Variants in ALX4 observed in about 807,000 individuals in gnomAD.
ALX4 encodes the protein ALX homeobox 4.
A neutral mutation model predicts 40.6 loss-of-function variants in ALX4; 22 were observed. That is an observed-to-expected ratio of 0.54 (90% CI 0.39 to 0.77). The LOEUF is 0.77. Among genes scored for constraint, ALX4 ranks in the 30% least tolerant of loss-of-function variants. The probability of loss-of-function intolerance (pLI) is 0.00; values close to 1 mark genes in which losing one functional copy is unlikely to be tolerated. For synonymous variants in ALX4, 266 were observed against 240.5 expected (o/e 1.11, Z -0.98); for missense variants, 556 against 564.8 (o/e 0.98, Z 0.16).
At chr11:44,297,006 T>C (rs1339355997) in intron 1 of ALX4, among the ~76,000 whole-genome samples, 3 of 59,136 alleles carry the variant, frequency 5.1e-5, no homozygotes, top group Non-Finnish European at 9.9e-5. Context: ...TGAAACTCTG[T>C]CTCAAAAAAA....
In ALX4 at chr11:44,275,663, G is replaced by C; in HGVS notation, c.467-5C>G. On this transcript the variant is annotated splice_polypyrimidine_tract_variant and splice_region_variant and intron_variant, in intron 1 of 3. Coordinates refer to ENST00000652299, the MANE Select transcript of ALX4 (RefSeq NM_021926.4). ...CACCCAGGGAGCTCTCTTTAGCTGA[G>C]GGAGGAGGAAACAAAGTCAGAAACC... The C allele has an allele frequency of 6.2e-7, 1 of 1,611,706 alleles. No individual in the cohort carries two copies. Among genetic ancestry groups the C allele is most frequent in the Non-Finnish European group, 8.5e-7 (1 of 1,178,498 alleles).
At position 44,264,394 on chromosome 11, in the gene ALX4, T is replaced by C; in HGVS notation, c.*460A>G. On this transcript the variant is annotated 3_prime_UTR_variant, in exon 4 of 4. Transcript: ENST00000652299. ...AGGAGGCTGGCTCTGCAGGGCAGCC[T>C]GTGCTTCAGACACACAGCCACCGGC... The C allele has an allele frequency of 5.8e-6, 1 of 171,272 alleles. No individual in the cohort carries two copies. 10.6% of individuals were successfully genotyped at this position (171,272 alleles called of 1,614,324 possible).
At chr11:44,297,009 CAAAAAAAAAAA>C (rs60856634) in intron 1 of ALX4, among the ~76,000 whole-genome samples, 1 of 86,884 alleles carries the variant, frequency 1.2e-5, no homozygotes, top group African/African-American at 4.1e-5. Flanking sequence ...AACTCTGTCT[CAAAAAAAAAAA>C]AAAAAAAAAA....
At chr11:44,293,180 CAGGGAGGGAGGG>C (rs1191152460) in intron 1 of ALX4, among the ~76,000 whole-genome samples, 4 of 103,374 alleles carry the variant, frequency 3.9e-5, no homozygotes, top group Non-Finnish European at 5.6e-5. Flanking sequence ...AGCAGGCAGG[CAGGGAGGGAGGG>C]AGGGAGGGAG....
intron 1 of ALX4, among the ~76,000 whole-genome samples, chr11:44,276,152 T>A (rs937417377): frequency 6.6e-6 from 1 of 152,184 alleles, no homozygotes; most frequent in Non-Finnish European, 1.5e-5. Flanking sequence ...GTGCCCCTCC[T>A]TTCCTGGCCT....
At chr11:44,298,040 G>A (rs980705779) in intron 1 of ALX4, among the ~76,000 whole-genome samples, 2 of 152,212 alleles carry the variant, frequency 1.3e-5, no homozygotes, top group Non-Finnish European at 2.9e-5. Flanking sequence ...TCTGAGGGCA[G>A]GAGCCAGTTC....
chr11:44,264,978 G>T lies in ALX4; in HGVS notation c.1112C>A (p.Ala371Asp), dbSNP rs778529834. The change falls in exon 4 of 4, where the codon GCC (alanine) becomes GAC (aspartate). Residue 371 changes from alanine (A) to aspartate (D), a missense_variant. By Grantham distance (126) the Ala-to-Asp change is moderately radical. Coordinates refer to ENST00000652299, the MANE Select transcript of ALX4 (RefSeq NM_021926.4). ...QTHMGSLFGA[A>D]SLSPGLNGYE... ...GCCATTGAGGCCTGGGCTGAGGCTG[G>T]CTGCTCCAAACAGGCTGCCCATGTG... The T allele has an allele frequency of 3.1e-6, 5 of 1,613,190 alleles. No homozygotes were observed. Among genetic ancestry groups the T allele is most frequent in the Non-Finnish European group, 3.4e-6 (4 of 1,179,954 alleles).
At chr11:44,291,946 G>A (rs1956372068) in intron 1 of ALX4, among the ~76,000 whole-genome samples, 1 of 152,162 alleles carries the variant, frequency 6.6e-6, no homozygotes, top group African/African-American at 2.4e-5. Context: ...AGCCTCCCGA[G>A]TAGCTGGGAT....
chr11:44,282,068 C>G (rs1022274874), intron 1 of ALX4, among the ~76,000 whole-genome samples: 2 of 152,108 alleles, frequency 1.3e-5, no homozygotes, highest in African/African-American at 4.8e-5. Context: ...ACCATGAGGA[C>G]TAAGTGTAAT....
At chr11:44,296,099 G>A (rs1228757636) in intron 1 of ALX4, among the ~76,000 whole-genome samples, 1 of 152,240 alleles carries the variant, frequency 6.6e-6, no homozygotes, top group Non-Finnish European at 1.5e-5. Context: ...CACATCAGAA[G>A]ATCATTCAGG....
intron 3 of ALX4, among the ~76,000 whole-genome samples, chr11:44,266,579 G>GA (rs1956215170): frequency 1.3e-5 from 2 of 152,202 alleles, no homozygotes; most frequent in African/African-American, 4.8e-5. Flanking sequence ...AGAAGTAAAG[G>GA]AGGCAGGGGC....
intron 1 of ALX4, among the ~76,000 whole-genome samples, chr11:44,290,345 C>T (rs1956362234): frequency 6.6e-6 from 1 of 152,256 alleles, no homozygotes; most frequent in Non-Finnish European, 1.5e-5. Context: ...CTGGGCTTGG[C>T]CCCTGGCTCT....
intron 1 of ALX4, among the ~76,000 whole-genome samples, chr11:44,299,362 T>TG: frequency 6.8e-6 from 1 of 146,284 alleles, no homozygotes; most frequent in East Asian, 2.0e-4. Flanking sequence ...TGGTTTTTTT[T>TG]TTTTTTTTTT....
chr11:44,263,527 CAG>C lies in ALX4; in HGVS notation c.*1325_*1326del, dbSNP rs1294558703. On this transcript the variant is annotated 3_prime_UTR_variant, in exon 4 of 4. Coordinates refer to ENST00000652299, the MANE Select transcript of ALX4 (RefSeq NM_021926.4). ...GCCCTTCCGCAGGCTGGAGAGAGGG[CAG>C]AGAGTCCTGGTCCCTGTGGAAGAAG... 6.6e-6 allele frequency: 1 copy of C among 152,346 alleles called. No individual in the cohort carries two copies. Among genetic ancestry groups the C allele is most frequent in the Non-Finnish European group, 1.5e-5 (1 of 68,176 alleles). The allele number at this position is 152,346 out of a possible 1,614,324, so 9.4% of individuals were successfully genotyped here.
chr11:44,296,207 G>A (rs990131393), intron 1 of ALX4, among the ~76,000 whole-genome samples: 1 of 152,214 alleles, frequency 6.6e-6, no homozygotes, highest in African/African-American at 2.4e-5. Context: ...CGGTCGATGA[G>A]AAAAGGGCCA....
Position 44,303,650 on chromosome 11 carries a change from G to A in ALX4, c.466+5947C>T, listed in dbSNP as rs1956448422. On this transcript the variant is annotated intron_variant, in intron 1 of 3. Transcript: ENST00000652299. Reference sequence around the variant, plus strand: ...CCTTCCATTCCTCTCTTTCCTCGGCGCTGGCTGGTGCGGGTTGGGGTCAGG... The same window carrying A: ...CCTTCCATTCCTCTCTTTCCTCGGCACTGGCTGGTGCGGGTTGGGGTCAGG... Among the ~76,000 whole-genome samples, 4 of 152,282 alleles carry A rather than the reference G, an allele frequency of 2.6e-5. No homozygotes were observed. In the South Asian group the frequency reaches 8.3e-4, roughly 32 times the overall value.
chr11:44,303,791 G>A (rs1956449653), intron 1 of ALX4, among the ~76,000 whole-genome samples: 1 of 152,206 alleles, frequency 6.6e-6, no homozygotes, highest in Non-Finnish European at 1.5e-5. Flanking sequence ...AGCTTCTTCC[G>A]CATCACCAAA....
At chr11:44,307,003 T>C (rs1270371780) in intron 1 of ALX4, among the ~76,000 whole-genome samples, 2 of 152,184 alleles carry the variant, frequency 1.3e-5, no homozygotes, top group South Asian at 2.1e-4. Context: ...GCCTCCATCT[T>C]AGGCAGCATG....
chr11:44,286,193 AG>A (rs1400180168), intron 1 of ALX4, among the ~76,000 whole-genome samples: 2 of 152,160 alleles, frequency 1.3e-5, no homozygotes, highest in African/African-American at 2.4e-5. Context: ...TTTCAGGATG[AG>A]GGGGGTCGAG....
Sources: gnomAD v4.1 joint callset for allele counts (sites outside exome capture counted in the v4.1 genomes callset) on GRCh38, gnomAD v4.1.1 for gene constraint, MANE v1.5 for transcripts, NCBI Gene and HGNC (gene_info 2026-07-23, HGNC 2026-07-21) for gene names.